Variants in WIPF2 observed in about 807,000 individuals in gnomAD.
The protein encoded by WIPF2 is WAS/WASL-interacting protein family member 2.
In WIPF2, 23 loss-of-function variants were observed where a neutral mutation model predicts 38.8. The observed-to-expected ratio is 0.59, with a 90% CI of 0.43 to 0.84. The LOEUF is 0.84. WIPF2 is among the 40% of genes least tolerant of loss of function. WIPF2 has a pLI of 0.00. For missense variants in WIPF2, 574 were observed against 580.5 expected (o/e 0.99, Z 0.11); for synonymous variants, 210 against 223.2 (o/e 0.94, Z 0.53).
At chr17:40,242,045 T>TCTGACA (rs1425232700) in intron 1 of WIPF2, among the ~76,000 whole-genome samples, 6 of 152,182 alleles carry the variant, frequency 3.9e-5, no homozygotes, top group African/African-American at 1.4e-4. Context: ...CCATGTTGGC[T>TCTGACA]CTGACATAGA....
At chr17:40,254,982 C>T (rs2031673369) in intron 1 of WIPF2, among the ~76,000 whole-genome samples, 1 of 151,994 alleles carries the variant, frequency 6.6e-6, no homozygotes, top group Non-Finnish European at 1.5e-5. Context: ...CACCTGCCTT[C>T]CTCGGCCTCC....
intron 5 of WIPF2, among the ~76,000 whole-genome samples, chr17:40,267,213 AAGAGT>A (rs2032114960): frequency 6.6e-6 from 1 of 152,276 alleles, no homozygotes; most frequent in African/African-American, 2.4e-5. Context: ...GGTACAGAAA[AAGAGT>A]AGAGCTGTGT....
At chr17:40,275,552 C>A (rs1237869124) in intron 6 of WIPF2, among the ~76,000 whole-genome samples, 1 of 151,028 alleles carries the variant, frequency 6.6e-6, no homozygotes, top group Non-Finnish European at 1.5e-5. Context: ...AGGTCCCTTG[C>A]AACCCTAACA....
intron 4 of WIPF2, 138 bp from the exon 5 acceptor site, chr17:40,264,352 A>AAAGAAAAAAAAAAAACCC: frequency 4.6e-6 from 3 of 646,448 alleles, no homozygotes; most frequent in South Asian, 2.3e-5. Context: ...AAAAAAAAAA[A>AAAGAAAAAAAAAAAACCC]AGAAAAACAA....
chr17:40,242,407 T>C (rs1259079431), intron 1 of WIPF2, among the ~76,000 whole-genome samples: 1 of 151,974 alleles, frequency 6.6e-6, no homozygotes, highest in Admixed American at 6.6e-5. Flanking sequence ...TTTTTGTTGT[T>C]GTTGTTGTTG....
chr17:40,273,792 C>G lies in WIPF2; in HGVS notation c.973C>G (p.Pro325Ala). The change falls in exon 6 of 8, where the codon CCT (proline) becomes GCT (alanine). Residue 325 changes from proline to alanine, a missense_variant and splice_region_variant. By Grantham distance (27) the Pro-to-Ala change is conservative. Transcript: ENST00000323571. ...ACTACTTTGGATTTTAATTGCAGCTCCTCCACCCCCACCACCTGTGATCCG... is the reference window on the plus strand; with the variant it reads ...ACTACTTTGGATTTTAATTGCAGCTGCTCCACCCCCACCACCTGTGATCCG... ...ARDPPSRGAA[P>A]PPPPPVIRNG... 6.2e-7 allele frequency: 1 copy of G among 1,604,362 alleles called. No individual in the cohort carries two copies. The highest frequency in any genetic ancestry group is 8.5e-7 in the Non-Finnish European group (1 of 1,172,804).
intron 1 of WIPF2, among the ~76,000 whole-genome samples, chr17:40,237,278 T>G (rs1224231797): frequency 1.3e-5 from 2 of 150,474 alleles, no homozygotes; most frequent in African/African-American, 4.9e-5. Context: ...TCTCACTTTG[T>G]CATCCTGGCT....
chr17:40,278,869 C>A lies in WIPF2; in HGVS notation c.*644C>A, dbSNP rs2032485416. 6.8e-6 allele frequency: 1 copy of A among 146,738 alleles called. No individual in the cohort carries two copies. 9.1% of individuals were successfully genotyped at this position (146,738 alleles called of 1,614,324 possible). A position where few individuals can be genotyped will look rare whatever the true frequency, so the allele number is the denominator to read the frequency against. ...AAACACTAAATACTAATCAGTTGAA[C>A]TTAACATTTAATAAAAAGAAAGGGT... On this transcript the variant is annotated 3_prime_UTR_variant, in exon 8 of 8. Coordinates refer to ENST00000323571, the MANE Select transcript of WIPF2 (RefSeq NM_133264.5).
intron 1 of WIPF2, among the ~76,000 whole-genome samples, chr17:40,253,545 T>C (rs781521994): frequency 6.6e-6 from 1 of 152,242 alleles, no homozygotes; most frequent in Non-Finnish European, 1.5e-5. Flanking sequence ...GTTCTGCTTA[T>C]GATTTACTGT....
chr17:40,228,258 G>A (rs1037059349), intron 1 of WIPF2, among the ~76,000 whole-genome samples: 1 of 151,368 alleles, frequency 6.6e-6, no homozygotes, highest in South Asian at 2.1e-4. Context: ...CTCGTGATCC[G>A]CCCGCCTCGG....
Position 40,246,688 on chromosome 17 carries a change from C to T in WIPF2, c.-69-9703C>T, listed in dbSNP as rs374408654. On this transcript the variant is annotated intron_variant, in intron 1 of 7. Coordinates refer to ENST00000323571, the MANE Select transcript of WIPF2 (RefSeq NM_133264.5). ...CTGGGATTACAGGTGTGAGCCACTG[C>T]GCCTGGCTAGGCCTGTGCTACTCTT... 1.2e-4 allele frequency among the ~76,000 whole-genome samples: 19 copies of T among 152,172 alleles called. No homozygotes were observed. In the East Asian group the frequency reaches 2.3e-3, roughly 19 times the overall value.
intron 1 of WIPF2, among the ~76,000 whole-genome samples, chr17:40,252,890 A>G (rs528995259): frequency 6.6e-6 from 1 of 151,168 alleles, no homozygotes; most frequent in South Asian, 2.1e-4. Context: ...CAGCCTCCCT[A>G]GTAGCTGGGA....
intron 3 of WIPF2, 97 bp from the exon 4 acceptor site, chr17:40,262,428 A>C (rs1567721057): frequency 2.1e-6 from 2 of 943,620 alleles, no homozygotes; most frequent in Non-Finnish European, 3.3e-6. Flanking sequence ...TTTGTTTGCA[A>C]GCGATAGCCC....
At chr17:40,263,474 C>T (rs2031977652) in intron 4 of WIPF2, among the ~76,000 whole-genome samples, 1 of 151,600 alleles carries the variant, frequency 6.6e-6, no homozygotes, top group Admixed American at 6.6e-5. Context: ...TTGGCGACCC[C>T]TTATTATACT....
intron 5 of WIPF2, among the ~76,000 whole-genome samples, 176 bp downstream of exon 5, chr17:40,265,322 T>A (rs760681189): frequency 6.6e-6 from 1 of 152,136 alleles, no homozygotes; most frequent in African/African-American, 2.4e-5. Context: ...ACAAAAAAAT[T>A]TGACAGTCAA....
intron 2 of WIPF2, among the ~76,000 whole-genome samples, chr17:40,258,014 T>A (rs1598487864): frequency 1.3e-5 from 2 of 152,232 alleles, no homozygotes; most frequent in Admixed American, 1.3e-4. Context: ...TTTCATAACC[T>A]GTAGTTTTTA....
rs1567708020 is a variant in WIPF2 at position 40,226,210 on chromosome 17, T to TAAA, written c.-70+6718_-70+6719insAAA. Reference sequence around the variant, plus strand: ...TTGGTAAAAAAAAAAAAAAAAAAATTTTTTTTTTTTTGAGATGGAGTCTCG... The same window carrying TAAA: ...TTGGTAAAAAAAAAAAAAAAAAAATTAAATTTTTTTTTTTGAGATGGAGTCTCG... On this transcript the variant is annotated intron_variant, in intron 1 of 7. Transcript: ENST00000323571. 3.0e-3 allele frequency among the ~76,000 whole-genome samples: 309 copies of TAAA among 103,302 alleles called. 1 individual carries two copies. Among genetic ancestry groups the TAAA allele is most frequent in the African/African-American group, 0.01 (293 of 28,574 alleles). The allele number at this position is 103,302 out of a possible 152,430, so 67.8% of individuals were successfully genotyped here. A position where few individuals can be genotyped will look rare whatever the true frequency, so the allele number is the denominator to read the frequency against.
chr17:40,267,533 T>A (rs1274345160), intron 5 of WIPF2, among the ~76,000 whole-genome samples: 1 of 152,070 alleles, frequency 6.6e-6, no homozygotes, highest in African/African-American at 2.4e-5. Flanking sequence ...TGGCCTTTAT[T>A]TATTTATTTG....
chr17:40,278,339 A>C lies in WIPF2; in HGVS notation c.*114A>C, dbSNP rs2032471254. 1 of 1,277,334 alleles carries C rather than the reference A, an allele frequency of 7.8e-7. No individual in the cohort carries two copies. The highest frequency in any genetic ancestry group is 2.5e-5 in the East Asian group (1 of 39,632). 79.1% of individuals were successfully genotyped at this position (1,277,334 alleles called of 1,614,324 possible). Reference sequence around the variant, plus strand: ...AGCTCCTAACATGTTTCTCCAATGCAATCAAGCCCTAGACTCCAAATGTCC... The same window carrying C: ...AGCTCCTAACATGTTTCTCCAATGCCATCAAGCCCTAGACTCCAAATGTCC... On this transcript the variant is annotated 3_prime_UTR_variant, in exon 8 of 8. Transcript: ENST00000323571.
Sources: gnomAD v4.1 joint callset for allele counts (sites outside exome capture counted in the v4.1 genomes callset) on GRCh38, gnomAD v4.1.1 for gene constraint, MANE v1.5 for transcripts, NCBI Gene and HGNC (gene_info 2026-07-23, HGNC 2026-07-21) for gene names.